Variants in PRKD1 observed in about 807,000 individuals in gnomAD.
PRKD1 encodes the protein protein kinase D1, also known as serine/threonine-protein kinase D1.
A neutral mutation model predicts 95.9 loss-of-function variants in PRKD1; 63 were observed. The observed-to-expected ratio is 0.66, with a 90% CI of 0.54 to 0.81. The LOEUF is 0.81. PRKD1 is among the 30% of genes least tolerant of loss of function. The pLI, the probability that PRKD1 is intolerant of heterozygous loss-of-function variation, is 0.00. For synonymous variants in PRKD1, 425 were observed against 423.1 expected, an observed-to-expected ratio of 1.00 and a Z score of -0.05; for missense variants, 1,048 against 1,165.3, an observed-to-expected ratio of 0.90 and a Z score of 1.47.
chr14:29,693,539 A>G (rs1248142419), intron 2 of PRKD1, among the ~76,000 whole-genome samples: 2 of 151,944 alleles, frequency 1.3e-5, no homozygotes, highest in African/African-American at 4.8e-5. Context: ...ACTGTTACAC[A>G]TAAGAAAGAA....
At chr14:29,898,125 G>A (rs1594612188) in intron 1 of PRKD1, among the ~76,000 whole-genome samples, 2 of 152,124 alleles carry the variant, frequency 1.3e-5, no homozygotes, top group South Asian at 4.1e-4. Flanking sequence ...TTTTTATACT[G>A]TTTTTGCTTT....
At chr14:29,696,326 C>T (rs1419687494) in intron 2 of PRKD1, among the ~76,000 whole-genome samples, 1 of 151,940 alleles carries the variant, frequency 6.6e-6, no homozygotes. Flanking sequence ...AGATAAAATG[C>T]TATTTAGTAT....
chr14:29,854,856 G>C (rs561761587), intron 1 of PRKD1, among the ~76,000 whole-genome samples: 5 of 152,118 alleles, frequency 3.3e-5, no homozygotes, highest in Non-Finnish European at 7.3e-5. Context: ...GGCTCAAAGG[G>C]GCCAACAGGG....
At chr14:29,796,927 G>A (rs1472332491) in intron 1 of PRKD1, among the ~76,000 whole-genome samples, 4 of 152,126 alleles carry the variant, frequency 2.6e-5, no homozygotes, top group Non-Finnish European at 5.9e-5. Context: ...AAGAGTTTTT[G>A]TTGTTATTTG....
chr14:29,861,649 T>G (rs774873607), intron 1 of PRKD1, among the ~76,000 whole-genome samples: 5 of 152,102 alleles, frequency 3.3e-5, no homozygotes, highest in Admixed American at 2.0e-4. Flanking sequence ...GGTTTGGTTT[T>G]GTTTTCGTTT....
intron 2 of PRKD1, among the ~76,000 whole-genome samples, chr14:29,672,039 G>A (rs962044052): frequency 6.6e-6 from 1 of 152,082 alleles, no homozygotes; most frequent in Non-Finnish European, 1.5e-5. Context: ...CAATGTCAAA[G>A]GTGGAGATAT....
intron 2 of PRKD1, among the ~76,000 whole-genome samples, chr14:29,687,592 G>A (rs545231007): frequency 3.9e-5 from 6 of 152,200 alleles, no homozygotes; most frequent in African/African-American, 9.7e-5. Context: ...CTTACTTGGC[G>A]TGGAGAAGTT....
chr14:29,708,854 C>A (rs977555232), intron 2 of PRKD1, among the ~76,000 whole-genome samples: 6 of 152,062 alleles, frequency 3.9e-5, no homozygotes, highest in African/African-American at 1.4e-4. Flanking sequence ...CAGAGCAAGT[C>A]CCTGTCTCAA....
In PRKD1 at chr14:29,595,686, A is replaced by T. The variant is rs1209140028; in HGVS notation, c.2434+1805T>A. 4.6e-5 allele frequency among the ~76,000 whole-genome samples: 7 copies of T among 152,330 alleles called. No individual in the cohort carries two copies. In the East Asian group the frequency reaches 1.4e-3, roughly 29 times the overall value. The stretch of plus-strand genomic sequence containing the variant: ...TACATAGCAAGTCAAATTTTCATGA[A>T]AGCAGAGATGGGGCATCATTTGTTC... On this transcript the variant is annotated intron_variant, in intron 16 of 17. Transcript: ENST00000331968.
intron 13 of PRKD1, among the ~76,000 whole-genome samples, chr14:29,620,351 T>A (rs1419166696): frequency 6.6e-6 from 1 of 150,708 alleles, no homozygotes; most frequent in Middle Eastern, 3.4e-3. Flanking sequence ...CAAGAGCTTC[T>A]GCACAGCAAA....
At chr14:29,750,616 G>GCGCGCACACACA (rs72239992) in intron 1 of PRKD1, among the ~76,000 whole-genome samples, 15,631 of 148,316 alleles carry the variant, frequency 0.11, 1,022 homozygotes, top group Non-Finnish European at 0.14. Context: ...ATGAACGCGC[G>GCGCGCACACACA]CACACACACA....
chr14:29,602,727 C>A (rs1035346857), intron 13 of PRKD1, among the ~76,000 whole-genome samples: 1 of 152,150 alleles, frequency 6.6e-6, no homozygotes, highest in Non-Finnish European at 1.5e-5. Flanking sequence ...CTGCACCTGG[C>A]CAGTACATGA....
At chr14:29,811,307 C>G (rs1172716590) in intron 1 of PRKD1, among the ~76,000 whole-genome samples, 1 of 152,186 alleles carries the variant, frequency 6.6e-6, no homozygotes, top group African/African-American at 2.4e-5. Context: ...ACAGCTCACA[C>G]AAACTGCCCA....
intron 6 of PRKD1, among the ~76,000 whole-genome samples, chr14:29,638,102 C>T (rs905340864): frequency 2.0e-5 from 3 of 151,932 alleles, no homozygotes; most frequent in Non-Finnish European, 4.4e-5. Flanking sequence ...GACAAAGTTC[C>T]TTTTATTATT....
intron 1 of PRKD1, among the ~76,000 whole-genome samples, chr14:29,814,560 C>T (rs1890616815): frequency 6.6e-6 from 1 of 152,112 alleles, no homozygotes; most frequent in South Asian, 2.1e-4. Flanking sequence ...GAATAGCTAA[C>T]CTCTTATGCC....
intron 1 of PRKD1, among the ~76,000 whole-genome samples, chr14:29,898,617 T>C (rs1894213205): frequency 6.6e-6 from 1 of 152,206 alleles, no homozygotes; most frequent in African/African-American, 2.4e-5. Flanking sequence ...AGGTAATTTT[T>C]ATTGTCTTCA....
intron 1 of PRKD1, among the ~76,000 whole-genome samples, chr14:29,731,433 C>A (rs1162684958): frequency 6.6e-6 from 1 of 152,104 alleles, no homozygotes; most frequent in Non-Finnish European, 1.5e-5. Context: ...GTGGCAAGTT[C>A]TATAAATATC....
intron 13 of PRKD1, among the ~76,000 whole-genome samples, chr14:29,606,846 G>C (rs191764958): frequency 3.9e-5 from 6 of 152,232 alleles, no homozygotes; most frequent in Admixed American, 3.9e-4. Flanking sequence ...ACCCAGAACA[G>C]GTTTGACTAC....
At chr14:29,685,762 T>G (rs1883826861) in intron 2 of PRKD1, among the ~76,000 whole-genome samples, 1 of 147,524 alleles carries the variant, frequency 6.8e-6, no homozygotes, top group Non-Finnish European at 1.5e-5. Flanking sequence ...GTGTGTACAG[T>G]CTTTTCTATG....
Sources: gnomAD v4.1 joint callset for allele counts (sites outside exome capture counted in the v4.1 genomes callset) on GRCh38, gnomAD v4.1.1 for gene constraint, MANE v1.5 for transcripts, NCBI Gene and HGNC (gene_info 2026-07-23, HGNC 2026-07-21) for gene names.